Variants in KCNAB1 observed in about 807,000 individuals in gnomAD.
KCNAB1 encodes the protein voltage-gated potassium channel subunit beta-1.
In KCNAB1, 35 loss-of-function variants were observed where a neutral mutation model predicts 64.6. The ratio of observed to expected loss-of-function variants is 0.54; its 90% CI spans 0.41 to 0.72. The LOEUF (loss-of-function observed/expected upper bound fraction) is 0.72. KCNAB1 is among the 30% of genes least tolerant of loss of function. The probability of loss-of-function intolerance (pLI) is 0.00; values close to 1 mark genes in which losing one functional copy is unlikely to be tolerated. For missense variants in KCNAB1, 401 were observed against 512.9 expected, an observed-to-expected ratio of 0.78 and a Z score of 2.11; for synonymous variants, 177 against 183.8, an observed-to-expected ratio of 0.96 and a Z score of 0.30.
intron 1 of KCNAB1, among the ~76,000 whole-genome samples, chr3:156,352,680 C>T (rs1212699106): frequency 5.3e-5 from 8 of 152,174 alleles, no homozygotes; most frequent in Admixed American, 2.6e-4. Context: ...CTGTCCTTGG[C>T]GTCACACTCG....
chr3:156,292,871 C>T (rs1162927231), intron 1 of KCNAB1, among the ~76,000 whole-genome samples: 1 of 152,212 alleles, frequency 6.6e-6, no homozygotes, highest in Non-Finnish European at 1.5e-5. Context: ...ACCAAGTTAA[C>T]AAATGCTATA....
At chr3:156,342,909 G>A (rs1724240237) in intron 1 of KCNAB1, among the ~76,000 whole-genome samples, 1 of 152,122 alleles carries the variant, frequency 6.6e-6, no homozygotes, top group Admixed American at 6.5e-5. Context: ...ATAGATGTGA[G>A]CTATGGAATT....
At chr3:156,342,609 A>ATTTTTTTTTTTTTTTTTTTT (rs59689669) in intron 1 of KCNAB1, among the ~76,000 whole-genome samples, 2 of 104,692 alleles carry the variant, frequency 1.9e-5, no homozygotes, top group South Asian at 3.1e-4. Context: ...TTTTTTTTTA[A>ATTTTTTTTTTTTTTTTTTTT]TTTTTTTTTT....
chr3:156,173,094 C>T (rs1348863122), intron 1 of KCNAB1, among the ~76,000 whole-genome samples: 1 of 152,202 alleles, frequency 6.6e-6, no homozygotes, highest in Non-Finnish European at 1.5e-5. Flanking sequence ...GAAAGAAAAG[C>T]CTGGAAGAAG....
At chr3:156,239,571 C>T (rs904935939) in intron 1 of KCNAB1, among the ~76,000 whole-genome samples, 1 of 152,188 alleles carries the variant, frequency 6.6e-6, no homozygotes, top group East Asian at 1.9e-4. Flanking sequence ...CCATTCTGAC[C>T]TGTGGCTTTC....
rs139449405 is a variant in KCNAB1, at chr3:156,494,298, A to G, written c.658+19478A>G. Among the ~76,000 whole-genome samples the G allele has an allele frequency of 1.1e-4, 17 of 152,162 alleles. No individual in the cohort carries two copies. In the East Asian group the frequency reaches 2.7e-3, roughly 24 times the overall value. ...AATTCATTACTAGCATTATTTTGTT[A>G]TTTATGTCCTTTTGTTTGACTGATT... On this transcript the variant is annotated intron_variant, in intron 8 of 13. Coordinates refer to ENST00000490337, the MANE Select transcript of KCNAB1 (RefSeq NM_172160.3).
chr3:156,271,639 C>G (rs1414560194), intron 1 of KCNAB1, among the ~76,000 whole-genome samples: 1 of 152,180 alleles, frequency 6.6e-6, no homozygotes, highest in Non-Finnish European at 1.5e-5. Flanking sequence ...ACAGCTATTT[C>G]AAATGCTCTG....
intron 13 of KCNAB1, among the ~76,000 whole-genome samples, chr3:156,535,850 G>A (rs1361476316): frequency 1.3e-5 from 2 of 151,988 alleles, no homozygotes; most frequent in Non-Finnish European, 2.9e-5. Context: ...ACTACCTCCA[G>A]GTGTCTGATA....
At chr3:156,161,744 A>G (rs1034663424) in intron 1 of KCNAB1, among the ~76,000 whole-genome samples, 1 of 152,212 alleles carries the variant, frequency 6.6e-6, no homozygotes, top group Non-Finnish European at 1.5e-5. Flanking sequence ...ACATAAAATA[A>G]CTGGTTGTTG....
rs147432692 is a variant in KCNAB1, at chr3:156,205,639, T to C, written c.275+84753T>C. ...TGTTTCTAACACCTAGCTCTCTCCC[T>C]AAACTACCCGCTCCTTCCTCTGCAC... On this transcript the variant is annotated intron_variant, in intron 1 of 13. Transcript: ENST00000490337. Among the ~76,000 whole-genome samples the C allele has an allele frequency of 2.8e-3, 423 of 152,292 alleles. 3 individuals are homozygous for C. The highest frequency in any genetic ancestry group is 9.4e-3 in the African/African-American group (391 of 41,572).
At position 156,178,727 on chromosome 3, in the gene KCNAB1, C is replaced by T. The variant is rs572694363; in HGVS notation, c.275+57841C>T. Among the ~76,000 whole-genome samples the T allele has an allele frequency of 2.0e-3, 309 of 152,032 alleles. 1 individual carries two copies. The highest frequency in any genetic ancestry group is 7.0e-3 in the African/African-American group (290 of 41,484). On this transcript the variant is annotated intron_variant, in intron 1 of 13. Transcript: ENST00000490337. ...CAAGATTTATTATTTTTTGGCCGGG[C>T]GCGGTGGCTCACGCCTGTAATCCTA... is the stretch of plus-strand genomic sequence containing the variant.
chr3:156,159,410 T>G (rs1715941197), intron 1 of KCNAB1, among the ~76,000 whole-genome samples: 1 of 152,224 alleles, frequency 6.6e-6, no homozygotes, highest in Non-Finnish European at 1.5e-5. Context: ...AAATGATATT[T>G]AATTTAGCAT....
At chr3:156,258,944 C>A (rs1295494188) in intron 1 of KCNAB1, among the ~76,000 whole-genome samples, 1 of 152,222 alleles carries the variant, frequency 6.6e-6, no homozygotes, top group African/African-American at 2.4e-5. Flanking sequence ...AACAGACAAT[C>A]CAGTCTGATG....
Position 156,523,925 on chromosome 3 carries a change from C to T in KCNAB1, c.1059C>T (p.Cys353=), listed in dbSNP as rs752463663. The T allele has an allele frequency of 6.2e-7, 1 of 1,613,906 alleles. No homozygotes were observed. The highest frequency in any genetic ancestry group is 1.1e-5 in the South Asian group (1 of 91,008). The part of the protein sequence containing the change: ...DLSPIAERLG[C]TLPQLAVAWC... ...CCCCAATTGCGGAGCGTCTGGGATG[C>T]ACACTACCTCAGCTAGCTGTTGGTA... The change falls in exon 12 of 14, where the codon TGC becomes TGT. Residue 353 remains cysteine, a synonymous_variant. Transcript: ENST00000490337.
chr3:156,372,631 C>T (rs1726389168), intron 1 of KCNAB1, among the ~76,000 whole-genome samples: 1 of 152,180 alleles, frequency 6.6e-6, no homozygotes, highest in Admixed American at 6.5e-5. Context: ...GGCAAACACT[C>T]AGTAGGTGTG....
chr3:156,489,331 TAAAG>T (rs891639628), intron 8 of KCNAB1, among the ~76,000 whole-genome samples: 3 of 151,778 alleles, frequency 2.0e-5, no homozygotes, highest in South Asian at 2.1e-4. Flanking sequence ...AAGAAAGAAA[TAAAG>T]AAATCACATC....
At chr3:156,152,087 C>T (rs1196051139) in intron 1 of KCNAB1, among the ~76,000 whole-genome samples, 1 of 152,172 alleles carries the variant, frequency 6.6e-6, no homozygotes, top group Admixed American at 6.5e-5. Context: ...GACTGTGTCT[C>T]CCACAGCTAC....
intron 2 of KCNAB1, among the ~76,000 whole-genome samples, chr3:156,435,794 C>A (rs1716545240): frequency 6.6e-6 from 1 of 152,174 alleles, no homozygotes; most frequent in Non-Finnish European, 1.5e-5. Context: ...ATAAGGCATA[C>A]CTTCACCCAG....
intron 7 of KCNAB1, among the ~76,000 whole-genome samples, chr3:156,472,838 A>C (rs1714029084): frequency 1.3e-5 from 2 of 152,172 alleles, no homozygotes; most frequent in South Asian, 4.1e-4. Context: ...GCACGGTCTC[A>C]GGATAAAATT....
Sources: gnomAD v4.1 joint callset for allele counts (sites outside exome capture counted in the v4.1 genomes callset) on GRCh38, gnomAD v4.1.1 for gene constraint, MANE v1.5 for transcripts, NCBI Gene and HGNC (gene_info 2026-07-23, HGNC 2026-07-21) for gene names.